The following LINC00305 variants were observed in gnomAD, a reference collection of about 807,000 sequenced individuals.
The protein encoded by LINC00305 is long independently transcribed non-coding RNA 305.
chr18:64,111,845 T>A (rs940902976), intron 1 of LINC00305, among the ~76,000 whole-genome samples: 1 of 152,186 alleles, frequency 6.6e-6, no homozygotes, highest in Non-Finnish European at 1.5e-5. Flanking sequence ...TAATACTTTT[T>A]AATAGTAAAA....
At chr18:64,137,157 G>A (rs984313187) in intron 1 of LINC00305, among the ~76,000 whole-genome samples, 2 of 152,186 alleles carry the variant, frequency 1.3e-5, no homozygotes, top group African/African-American at 2.4e-5. Context: ...CACAACAAGA[G>A]CACCATGTGA....
At chr18:64,140,474 G>A (rs1375374437) in intron 1 of LINC00305, among the ~76,000 whole-genome samples, 2 of 152,176 alleles carry the variant, frequency 1.3e-5, no homozygotes, top group Non-Finnish European at 2.9e-5. Context: ...CTCCCGAAGT[G>A]CTGGGATTAC....
intron 1 of LINC00305, among the ~76,000 whole-genome samples, chr18:64,112,441 C>T (rs374057774): frequency 6.6e-5 from 10 of 151,810 alleles, no homozygotes; most frequent in African/African-American, 2.4e-4. Context: ...TTCATATTTC[C>T]GTTGGAAGAA....
rs531134941 is a variant in LINC00305, at chr18:64,102,944, T to C, written n.315-4304A>G. Among the ~76,000 whole-genome samples, 18 of 152,274 alleles carry C rather than the reference T, an allele frequency of 1.2e-4. 1 individual carries two copies. The highest frequency in any genetic ancestry group is 3.9e-4 in the Admixed American group (6 of 15,290). On this transcript the variant is annotated intron_variant and non_coding_transcript_variant, in intron 1 of 3. Transcript: ENST00000666468. Reference sequence around the variant, plus strand: ...GATTGCATCTGAACGTGAGATTTGGTTGGGGACACAGATCCACCCCATATC... The same window carrying C: ...GATTGCATCTGAACGTGAGATTTGGCTGGGGACACAGATCCACCCCATATC...
intron 1 of LINC00305, among the ~76,000 whole-genome samples, chr18:64,133,288 T>C (rs2051418217): frequency 6.6e-6 from 1 of 152,164 alleles, no homozygotes; most frequent in African/African-American, 2.4e-5. Context: ...ATTGCATTAA[T>C]TGACTCTAAG....
At chr18:64,082,180 T>C (rs1033964930) in intron 3 of LINC00305, among the ~76,000 whole-genome samples, 7 of 152,146 alleles carry the variant, frequency 4.6e-5, no homozygotes, top group Non-Finnish European at 8.8e-5. Flanking sequence ...AACATCACTA[T>C]TGTAAAACCT....
In LINC00305 at chr18:64,143,671, T is replaced by TGTCC. The variant is rs1568120202; in HGVS notation, n.314+5103_314+5104insGGAC. ...CATATGTATGTACACGTATTATGTA[T>TGTCC]ACATATGTATGTCCACATATTATGC... On this transcript the variant is annotated intron_variant and non_coding_transcript_variant, in intron 1 of 3. Transcript: ENST00000666468. Among the ~76,000 whole-genome samples the TGTCC allele has an allele frequency of 1.5e-4, 22 of 144,522 alleles. 3 individuals are homozygous for TGTCC. The highest frequency in any genetic ancestry group is 5.3e-4 in the African/African-American group (19 of 36,078). 94.8% of individuals were successfully genotyped at this position (144,522 alleles called of 152,430 possible).
intron 1 of LINC00305, among the ~76,000 whole-genome samples, chr18:64,136,628 C>G (rs1388507846): frequency 6.6e-6 from 1 of 152,166 alleles, no homozygotes; most frequent in African/African-American, 2.4e-5. Flanking sequence ...GACACAGAGC[C>G]AAACCCTATC....
intron 1 of LINC00305, among the ~76,000 whole-genome samples, chr18:64,106,585 G>A (rs546334395): frequency 2.0e-5 from 3 of 152,176 alleles, no homozygotes; most frequent in African/African-American, 7.2e-5. Context: ...TGCCTCTGCT[G>A]CCTCAATATA....
chr18:64,119,297 A>G (rs55987913), intron 1 of LINC00305, among the ~76,000 whole-genome samples: 10,316 of 152,178 alleles, frequency 0.068, 526 homozygotes, highest in Non-Finnish European at 0.11. Flanking sequence ...TGACTGAGTA[A>G]AGGCTGAAGC....
At chr18:64,124,493 C>A (rs536496762) in intron 1 of LINC00305, among the ~76,000 whole-genome samples, 1 of 152,130 alleles carries the variant, frequency 6.6e-6, no homozygotes, top group Non-Finnish European at 1.5e-5. Context: ...TATCTAGACA[C>A]TCAGTAAAAG....
At chr18:64,105,197 A>G (rs1431350754) in intron 1 of LINC00305, among the ~76,000 whole-genome samples, 1 of 152,110 alleles carries the variant, frequency 6.6e-6, no homozygotes, top group Non-Finnish European at 1.5e-5. Context: ...GTGGTGTCTC[A>G]CGGCTGTAAT....
At chr18:64,134,667 A>G (rs554622460) in intron 1 of LINC00305, among the ~76,000 whole-genome samples, 17 of 152,334 alleles carry the variant, frequency 1.1e-4, no homozygotes, top group African/African-American at 3.4e-4. Context: ...AGGGGGGTCC[A>G]AGTTACGTCA....
chr18:64,091,158 T>G (rs536997135), intron 3 of LINC00305, among the ~76,000 whole-genome samples: 8 of 152,348 alleles, frequency 5.3e-5, no homozygotes, highest in Admixed American at 2.0e-4. Flanking sequence ...TCTTAGAACA[T>G]CATTGCCTCT....
chr18:64,148,922 G>A (rs1208637006), exon 1 of LINC00305: 2 of 152,206 alleles, frequency 1.3e-5, no homozygotes, highest in Non-Finnish European at 2.9e-5. Context: ...TGGCCAATCT[G>A]AGAAGTAGCA....
At chr18:64,120,114 G>C (rs1435775323) in intron 1 of LINC00305, among the ~76,000 whole-genome samples, 1 of 152,066 alleles carries the variant, frequency 6.6e-6, no homozygotes, top group African/African-American at 2.4e-5. Flanking sequence ...ATGGCCACCA[G>C]AGGGGGCATC....
intron 1 of LINC00305, among the ~76,000 whole-genome samples, chr18:64,147,687 C>T (rs991716135): frequency 3.3e-5 from 5 of 152,106 alleles, no homozygotes; most frequent in African/African-American, 9.7e-5. Context: ...GTTGTTCTCG[C>T]CCTTTCTCCC....
At chr18:64,122,547 T>C (rs917944513) in intron 1 of LINC00305, among the ~76,000 whole-genome samples, 1 of 152,146 alleles carries the variant, frequency 6.6e-6, no homozygotes, top group African/African-American at 2.4e-5. Context: ...AATCTATGTG[T>C]CTATTTTTAT....
chr18:64,130,180 G>A (rs1449249257), intron 1 of LINC00305, among the ~76,000 whole-genome samples: 2 of 151,978 alleles, frequency 1.3e-5, no homozygotes, highest in Non-Finnish European at 2.9e-5. Context: ...TTACTTTAAT[G>A]CATTCTATGT....
Sources: allele counts gnomAD v4.1 joint callset (sites outside exome capture counted in the v4.1 genomes callset), GRCh38; gene constraint gnomAD v4.1.1; transcripts MANE v1.5; gene names NCBI Gene and HGNC (gene_info 2026-07-23, HGNC 2026-07-21).